ZNF606: variants seen among roughly 807,000 people sequenced by gnomAD.
ZNF606 encodes zinc finger protein 606, also known as zinc finger protein 328.
A neutral mutation model predicts 74.9 loss-of-function variants in ZNF606; 37 were observed. That is an observed-to-expected ratio of 0.49 (90% CI 0.38 to 0.65). The LOEUF (loss-of-function observed/expected upper bound fraction) is 0.65. ZNF606 is among the 30% of genes least tolerant of loss of function. The pLI, the probability that ZNF606 is intolerant of heterozygous loss-of-function variation, is 0.00. For synonymous variants in ZNF606, 328 were observed against 312.4 expected (o/e 1.05, Z -0.53); for missense variants, 852 against 952.9 (o/e 0.89, Z 1.39).
At chr19:57,990,051 CA>C (rs1159494660) in intron 4 of ZNF606, among the ~76,000 whole-genome samples, 1,883 of 13,686 alleles carry the variant, frequency 0.14, 3 homozygotes, top group Non-Finnish European at 0.15. Context: ...GACTCCATCT[CA>C]AAAAAAAAAA....
intron 6 of ZNF606, among the ~76,000 whole-genome samples, chr19:57,987,109 C>A (rs1254680574): frequency 6.6e-6 from 1 of 151,894 alleles, no homozygotes; most frequent in African/African-American, 2.4e-5. Context: ...TAATTGTAAT[C>A]CCCAGGGCAA....
chr19:57,979,362 G>A lies in ZNF606; in HGVS notation c.1318C>T (p.Arg440Cys), dbSNP rs753804661. The A allele has an allele frequency of 1.6e-5, 25 of 1,612,542 alleles. No individual in the cohort carries two copies. The highest frequency in any genetic ancestry group is 3.3e-4 in the Middle Eastern group (2 of 6,070). Residue 440 changes from arginine to cysteine, a missense_variant, in exon 7 of 7, where the codon CGC becomes TGC. Arg to Cys is a radical substitution (Grantham distance 180). Around this residue, in one of 3 missense-constraint regions of ZNF606, gnomAD observed 545 missense variants for 542.5 expected, o/e 1.00. Transcript: ENST00000551380. ...CGTTCATGTTTCGTAAGGGCTGAGC[G>A]ATTCCTAAAAACTTTTCCACATTTA... Reference protein sequence around the residue: ...CDKCGKVFRNRSALTKHERTH... With the variant: ...CDKCGKVFRNCSALTKHERTH...
In ZNF606 at chr19:57,977,910, AAC is replaced by A. The variant is rs2073014397; in HGVS notation, c.*389_*390del. On this transcript the variant is annotated 3_prime_UTR_variant, in exon 7 of 7. Coordinates refer to ENST00000551380, the MANE Select transcript of ZNF606 (RefSeq NM_001348022.3). ...CATCCAGTACTCCAGCTTGATGCAA[AAC>A]AGTGTATTTCCAGTCAAAAACTTTT... 1 of 159,868 alleles carries A rather than the reference AAC, an allele frequency of 6.3e-6. No individual in the cohort carries two copies. 9.9% of individuals were successfully genotyped at this position (159,868 alleles called of 1,614,324 possible). A position where few individuals can be genotyped will look rare whatever the true frequency, so the allele number is the denominator to read the frequency against.
Position 58,002,797 on chromosome 19 carries a change from G to C in ZNF606, c.-453C>G. On this transcript the variant is annotated 5_prime_UTR_variant, in exon 1 of 7. Coordinates refer to ENST00000551380, the MANE Select transcript of ZNF606 (RefSeq NM_001348022.3). ...GGCCTCACCTCAGCCGCGGACAATG[G>C]CGGCTGCTTCCCCGGCGTCGACCGG... The C allele has an allele frequency of 2.2e-6, 1 of 451,840 alleles. No homozygotes were observed. Among genetic ancestry groups the C allele is most frequent in the South Asian group, 1.6e-5 (1 of 64,294 alleles). The allele number at this position is 451,840 out of a possible 1,614,324, so 28.0% of individuals were successfully genotyped here. A position where few individuals can be genotyped will look rare whatever the true frequency, so the allele number is the denominator to read the frequency against.
intron 4 of ZNF606, 75 bp downstream of exon 4, chr19:57,999,733 G>A: frequency 1.4e-6 from 2 of 1,446,772 alleles, no homozygotes; most frequent in Non-Finnish European, 1.9e-6. Flanking sequence ...GTTGTAAACT[G>A]GAGAGCCGCA....
chr19:58,003,244 G>A, upstream of ZNF606: 1 of 456,768 alleles, frequency 2.2e-6, no homozygotes, highest in South Asian at 1.5e-5. Context: ...CCTTCTCTGT[G>A]AAGCTCGACG....
intron 4 of ZNF606, among the ~76,000 whole-genome samples, chr19:57,990,232 G>C (rs959937418): frequency 2.8e-4 from 42 of 151,194 alleles, no homozygotes; most frequent in Non-Finnish European, 5.3e-4. Context: ...AGGCGTGGTA[G>C]CAGGCACCTG....
chr19:57,999,941 G>A (rs764778211), intron 3 of ZNF606, 45 bp from the exon 4 acceptor site: 42 of 1,575,908 alleles, frequency 2.7e-5, no homozygotes, highest in Non-Finnish European at 3.5e-5. Context: ...TCGCTGCCAG[G>A]AGCTCACCTT....
chr19:57,979,221 T>G lies in ZNF606; in HGVS notation c.1459A>C (p.Asn487His), dbSNP rs747254286. ...CAGTTGAAAGATTTCCCACACTCATTACAAACATAAGGTTTTTCTCCTGTA... is the reference window on the plus strand; with the variant it reads ...CAGTTGAAAGATTTCCCACACTCATGACAAACATAAGGTTTTTCTCCTGTA... ...IHTGEKPYVC[N>H]ECGKSFNWNS... The change falls in exon 7 of 7, where the codon AAT becomes CAT. Residue 487 changes from asparagine (N) to histidine (H), a missense_variant. Physicochemically the swap from Asn to His is moderately conservative, Grantham distance 68. Transcript: ENST00000551380. 4 of 1,613,786 alleles carry G rather than the reference T, an allele frequency of 2.5e-6. No homozygotes were observed. In the South Asian group the frequency reaches 3.3e-5, roughly 13 times the overall value.
chr19:58,000,718 C>A lies in ZNF606; in HGVS notation c.53G>T (p.Trp18Leu). ...ASWGALTDQS[W>L]GMTAVDPWAS... ...CCATGGGTCAACAGCTGTCATCCCC[C>A]AAGATTGGTCCGTAAGGGCACCTGC... is the stretch of plus-strand genomic sequence containing the variant. Residue 18 changes from tryptophan (W) to leucine (L), a missense_variant, in exon 3 of 7, where the codon TGG (tryptophan) becomes TTG (leucine). Coordinates refer to ENST00000551380, the MANE Select transcript of ZNF606 (RefSeq NM_001348022.3). The A allele has an allele frequency of 6.3e-7, 1 of 1,592,734 alleles. No homozygotes were observed.
Position 57,991,215 on chromosome 19 carries a change from A to G in ZNF606, c.178-2494T>C, listed in dbSNP as rs1397959830. The stretch of plus-strand genomic sequence containing the variant: ...TTCTTTATATTTATCATTTTTGCTG[A>G]TCTATATTGAAGGATCTTGGAGCAA... On this transcript the variant is annotated intron_variant, in intron 4 of 6. Transcript: ENST00000551380. Among the ~76,000 whole-genome samples the G allele has an allele frequency of 1.3e-5, 2 of 151,674 alleles. 1 individual carries two copies. Among genetic ancestry groups the G allele is most frequent in the African/African-American group, 4.9e-5 (2 of 41,232 alleles).
intron 4 of ZNF606, among the ~76,000 whole-genome samples, chr19:57,991,653 G>T (rs2073263054): frequency 6.6e-6 from 1 of 152,000 alleles, no homozygotes; most frequent in Admixed American, 6.6e-5. Context: ...GGTGGTGCAC[G>T]CCTATAATCC....
Position 57,992,882 on chromosome 19 carries a change from C to T in ZNF606, c.178-4161G>A, listed in dbSNP as rs1039962821. Among the ~76,000 whole-genome samples, 4 of 152,170 alleles carry T rather than the reference C, an allele frequency of 2.6e-5. No individual in the cohort carries two copies. In the East Asian group the frequency reaches 7.7e-4, roughly 29 times the overall value. On this transcript the variant is annotated intron_variant, in intron 4 of 6. Transcript: ENST00000551380. Reference sequence around the variant, plus strand: ...GTGCTTGCAGCAGGCTGAATAACACCCCCCAAAGGATGCCCATGTCCTAAT... The same window carrying T: ...GTGCTTGCAGCAGGCTGAATAACACTCCCCAAAGGATGCCCATGTCCTAAT...
intron 4 of ZNF606, chr19:57,997,269 T>C (rs1302656419): frequency 6.6e-6 from 1 of 152,218 alleles, no homozygotes; most frequent in Admixed American, 6.5e-5. Context: ...TGAGATATTA[T>C]CATTACAATT....
chr19:57,978,278 A>T lies in ZNF606; in HGVS notation c.*23T>A, dbSNP rs759876289. The T allele has an allele frequency of 2.4e-5, 37 of 1,534,068 alleles. No individual in the cohort carries two copies. In the South Asian group the frequency reaches 4.7e-4, roughly 19 times the overall value. Reference sequence around the variant, plus strand: ...TCCTCAATGTGTTGTCAAATGTACAAGAAACGAAAAACTCGCATAAATTCA... The same window carrying T: ...TCCTCAATGTGTTGTCAAATGTACATGAAACGAAAAACTCGCATAAATTCA... On this transcript the variant is annotated 3_prime_UTR_variant, in exon 7 of 7. Transcript: ENST00000551380. The surrounding 1 kb of genome is among the most constrained non-coding windows in gnomAD (Gnocchi z 4.4).
intron 4 of ZNF606, among the ~76,000 whole-genome samples, chr19:57,991,716 G>A (rs1336676191): frequency 6.6e-6 from 1 of 152,024 alleles, no homozygotes; most frequent in Non-Finnish European, 1.5e-5. Context: ...GGAGGCAAAC[G>A]TTGCAGTGAG....
chr19:57,999,961 G>A, intron 3 of ZNF606, 65 bp from the exon 4 acceptor site: 2 of 1,506,468 alleles, frequency 1.3e-6, no homozygotes, highest in Middle Eastern at 3.5e-4. Flanking sequence ...TTTCTTCTGG[G>A]GGGCTGAGAA....
Position 57,988,257 on chromosome 19 carries a change from C to G in ZNF606, c.350G>C (p.Gly117Ala). 6.2e-7 allele frequency: 1 copy of G among 1,614,136 alleles called. No individual in the cohort carries two copies. The highest frequency in any genetic ancestry group is 8.5e-7 in the Non-Finnish European group (1 of 1,180,028). Residue 117 changes from glycine to alanine, a missense_variant, in exon 6 of 7, where the codon GGA (glycine) becomes GCA (alanine). Around this residue, in one of 3 missense-constraint regions of ZNF606, gnomAD observed 545 missense variants for 542.5 expected, o/e 1.00. Transcript: ENST00000551380. Reference sequence around the variant, plus strand: ...CTGCTCCACTGACCACGGCTCTTCTCCTTGCTCCAACAGGGAGATGACCTC... The same window carrying G: ...CTGCTCCACTGACCACGGCTCTTCTGCTTGCTCCAACAGGGAGATGACCTC... The part of the protein sequence containing the change: ...KPEVISLLEQ[G>A]EEPWSVEQAC...
intron 6 of ZNF606, among the ~76,000 whole-genome samples, chr19:57,983,174 T>C (rs2073112622): frequency 6.6e-6 from 1 of 152,158 alleles, no homozygotes; most frequent in South Asian, 2.1e-4. Flanking sequence ...GTACTTGTAG[T>C]CTACTGAGTT....
Sources: allele counts gnomAD v4.1 joint callset (sites outside exome capture counted in the v4.1 genomes callset), GRCh38; gene constraint gnomAD v4.1.1; regional missense constraint gnomAD v4.1.1; non-coding constraint Gnocchi (gnomAD v3.1); transcripts MANE v1.5; gene names NCBI Gene and HGNC (gene_info 2026-07-23, HGNC 2026-07-21).